Variants in LARGE1 observed in about 807,000 individuals in gnomAD.
The protein encoded by LARGE1 is xylosyl- and glucuronyltransferase LARGE1.
In LARGE1, 43 loss-of-function variants were observed where a neutral mutation model predicts 87.6. The ratio of observed to expected loss-of-function variants is 0.49; its 90% CI spans 0.38 to 0.63. The LOEUF is 0.63. Among genes scored for constraint, LARGE1 ranks in the 30% least tolerant of loss-of-function variants. LARGE1 has a pLI of 0.00. For missense variants in LARGE1, 802 were observed against 1,000.2 expected (o/e 0.80, Z 2.67); for synonymous variants, 434 against 394.6 (o/e 1.10, Z -1.18).
At chr22:33,386,721 A>G (rs2065337111) in intron 7 of LARGE1, among the ~76,000 whole-genome samples, 1 of 148,946 alleles carries the variant, frequency 6.7e-6, no homozygotes, top group African/African-American at 2.4e-5. Flanking sequence ...GGGTAGAAAG[A>G]AAAGAAACAT....
intron 9 of LARGE1, among the ~76,000 whole-genome samples, chr22:33,358,301 G>GT (rs5845080): frequency 0.93 from 139,717 of 150,900 alleles, 64,852 homozygotes; most frequent in South Asian, 0.96. Context: ...AAAACCAACT[G>GT]TTTTTTTTTC....
At chr22:33,439,919 T>A (rs947696119) in intron 6 of LARGE1, among the ~76,000 whole-genome samples, 2 of 152,144 alleles carry the variant, frequency 1.3e-5, no homozygotes, top group African/African-American at 4.8e-5. Flanking sequence ...ATTCCTCACA[T>A]CCTTGCCATG....
At chr22:33,550,142 TACACACACACACACACACACAC>T (rs5845093) in intron 6 of LARGE1, among the ~76,000 whole-genome samples, 1 of 142,252 alleles carries the variant, frequency 7.0e-6, no homozygotes, top group Non-Finnish European at 1.5e-5. Flanking sequence ...ACTTAAAGTA[TACACACACACACACACACACAC>T]ACACACACAC....
At chr22:33,219,037 G>A (rs566081391) in intron 11 of LARGE1, among the ~76,000 whole-genome samples, 6 of 152,230 alleles carry the variant, frequency 3.9e-5, no homozygotes, top group Admixed American at 1.3e-4. Flanking sequence ...GGAGCCCACC[G>A]TAAAGAAAGG....
the LARGE1 span, among the ~76,000 whole-genome samples, chr22:33,123,620 G>T: frequency 6.6e-6 from 1 of 152,196 alleles, no homozygotes; most frequent in Non-Finnish European, 1.5e-5. Flanking sequence ...CTATGAATGG[G>T]TAGTAGAATG....
chr22:33,815,262 C>A lies in LARGE1; in HGVS notation c.-82-53704G>T, dbSNP rs933554266. On this transcript the variant is annotated intron_variant, in intron 1 of 14. Transcript: ENST00000397394. The stretch of plus-strand genomic sequence containing the variant: ...AACTGAAGAAGGGCAGAAGCTAGAA[C>A]TTCCTCCGGTCCTCATCACCTCGTC... 3.3e-5 allele frequency among the ~76,000 whole-genome samples: 5 copies of A among 152,196 alleles called. No individual in the cohort carries two copies. The East Asian group carries it at 9.6e-4, about 29-fold the overall frequency.
chr22:33,795,515 T>C (rs758698986), intron 1 of LARGE1, among the ~76,000 whole-genome samples: 10 of 152,030 alleles, frequency 6.6e-5, no homozygotes, highest in African/African-American at 9.7e-5. Flanking sequence ...ACTGAGTATA[T>C]ACCCAAAGGA....
At chr22:33,133,912 G>T in the LARGE1 span, among the ~76,000 whole-genome samples, 3 of 152,148 alleles carry the variant, frequency 2.0e-5, no homozygotes, top group African/African-American at 7.2e-5. Context: ...CTCACTTTAA[G>T]CCTTCAATAT....
intron 6 of LARGE1, among the ~76,000 whole-genome samples, chr22:33,465,682 G>A (rs2068578535): frequency 6.6e-6 from 1 of 152,146 alleles, no homozygotes; most frequent in Non-Finnish European, 1.5e-5. Flanking sequence ...GCGAGGGAAG[G>A]AACTGCATTC....
At chr22:33,096,744 T>G in the LARGE1 span, among the ~76,000 whole-genome samples, 2 of 152,080 alleles carry the variant, frequency 1.3e-5, no homozygotes, top group African/African-American at 4.8e-5. Context: ...TTTTTGTATT[T>G]TCAGTAGAGA....
chr22:33,702,887 G>A (rs942353977), intron 2 of LARGE1, among the ~76,000 whole-genome samples: 2 of 152,184 alleles, frequency 1.3e-5, no homozygotes, highest in South Asian at 4.1e-4. Context: ...GAAAGATTAG[G>A]TACAAAGTTG....
At chr22:33,919,196 A>G (rs2147009133) in intron 1 of LARGE1, among the ~76,000 whole-genome samples, 1 of 152,104 alleles carries the variant, frequency 6.6e-6, no homozygotes, top group African/African-American at 2.4e-5. Context: ...CTCCGAAGTG[A>G]CCCATTTAAA....
At chr22:33,450,542 G>T (rs987945918) in intron 6 of LARGE1, among the ~76,000 whole-genome samples, 18 of 152,082 alleles carry the variant, frequency 1.2e-4, no homozygotes, top group African/African-American at 4.3e-4. Flanking sequence ...GAACCCAGCA[G>T]GCAGAGGCTG....
chr22:33,593,645 C>T lies in LARGE1; in HGVS notation c.615+10790G>A, dbSNP rs201746787. Among the ~76,000 whole-genome samples the T allele has an allele frequency of 1.4e-4, 21 of 152,262 alleles. No individual in the cohort carries two copies. In the East Asian group the frequency reaches 3.9e-3, roughly 28 times the overall value. On this transcript the variant is annotated intron_variant, in intron 5 of 14. Coordinates refer to ENST00000397394, the MANE Select transcript of LARGE1 (RefSeq NM_133642.5). ...TGTGTTACTGAGCACTTAAAATACG[C>T]AAGTCCAAAGTGAGACGTTCAAAAT...
At chr22:33,861,860 C>CTTTTTTTTT (rs59657748) in intron 1 of LARGE1, among the ~76,000 whole-genome samples, 1 of 117,248 alleles carries the variant, frequency 8.5e-6, no homozygotes, top group African/African-American at 3.4e-5. Context: ...CCCAGACATT[C>CTTTTTTTTT]TTTTTTTTTT....
chr22:33,113,327 C>G, the LARGE1 span, among the ~76,000 whole-genome samples: 2 of 151,868 alleles, frequency 1.3e-5, no homozygotes, highest in Non-Finnish European at 2.9e-5. Context: ...TCTGCCTCAG[C>G]CTCCTGAGTA....
At chr22:33,716,699 C>G (rs564218221) in intron 2 of LARGE1, among the ~76,000 whole-genome samples, 2 of 152,196 alleles carry the variant, frequency 1.3e-5, no homozygotes, top group East Asian at 3.8e-4. Flanking sequence ...CACACCTGGC[C>G]ACCCCCAAAA....
At chr22:33,800,617 G>A (rs1318851735) in intron 1 of LARGE1, among the ~76,000 whole-genome samples, 1 of 152,116 alleles carries the variant, frequency 6.6e-6, no homozygotes, top group African/African-American at 2.4e-5. Context: ...TCTGTCATTG[G>A]GAGAAGGTTG....
intron 5 of LARGE1, among the ~76,000 whole-genome samples, chr22:33,597,298 A>AC (rs2079004622): frequency 1.4e-5 from 2 of 138,418 alleles, no homozygotes; most frequent in South Asian, 4.6e-4. Flanking sequence ...AAAAAAAAAA[A>AC]CTTGTAAGTA....
Sources: gnomAD v4.1 joint callset for allele counts (sites outside exome capture counted in the v4.1 genomes callset) on GRCh38, gnomAD v4.1.1 for gene constraint, MANE v1.5 for transcripts, NCBI Gene and HGNC (gene_info 2026-07-23, HGNC 2026-07-21) for gene names.